The following NAV3 variants were observed in gnomAD, a reference collection of about 807,000 sequenced individuals.
NAV3 encodes pore membrane and/or filament interacting like protein 1.
Under a neutral mutation model 244.7 loss-of-function variants are expected in NAV3, and 87 were observed. That is an observed-to-expected ratio of 0.36 (90% CI 0.30 to 0.42). The LOEUF is 0.42. Ranked by LOEUF, NAV3 falls within the 20% of genes least tolerant of loss-of-function variation. The pLI is 1.00. For synonymous variants in NAV3, 1,126 were observed against 1,042.2 expected (o/e 1.08, Z -1.55); for missense variants, 2,663 against 2,893.3 (o/e 0.92, Z 1.83).
intron 1 of NAV3, among the ~76,000 whole-genome samples, chr12:77,881,829 C>T (rs1434299813): frequency 1.3e-5 from 2 of 151,998 alleles, no homozygotes; most frequent in Non-Finnish European, 2.9e-5. Context: ...CTTACAATAG[C>T]TGTAAAGAAA....
rs186252847 is a variant in NAV3, at chr12:77,873,265, A to C, written c.243+41561A>C. On this transcript the variant is annotated intron_variant, in intron 1 of 39. Coordinates refer to ENST00000397909, the MANE Select transcript of NAV3 (RefSeq NM_001024383.2). ...TTCATAGCAGTATGAAAATGGATTA[A>C]TACAATACCCATTTCTCAGATTTAC... is the stretch of plus-strand genomic sequence containing the variant. Among the ~76,000 whole-genome samples the C allele has an allele frequency of 2.0e-3, 302 of 152,300 alleles. 1 individual carries two copies. Among genetic ancestry groups the C allele is most frequent in the Non-Finnish European group, 3.5e-3 (237 of 68,034 alleles).
At chr12:78,188,376 T>C in intron 32 of NAV3, 33 bp downstream of exon 32, 1 of 1,509,482 alleles carries the variant, frequency 6.6e-7, no homozygotes, top group Non-Finnish European at 9.1e-7. Context: ...ATAGTACTTT[T>C]CAAATATGTT....
intron 23 of NAV3, among the ~76,000 whole-genome samples, chr12:78,163,313 A>G (rs1402389210): frequency 6.6e-6 from 1 of 152,116 alleles, no homozygotes; most frequent in Non-Finnish European, 1.5e-5. Flanking sequence ...AATAACACGG[A>G]ATCTCTTGCC....
At chr12:77,582,150 G>A (rs186941208) in intron 2 of NAV3, among the ~76,000 whole-genome samples, 2 of 152,230 alleles carry the variant, frequency 1.3e-5, no homozygotes, top group East Asian at 3.9e-4. Flanking sequence ...AAATCCACTT[G>A]TATTTAGCAC....
intron 23 of NAV3, among the ~76,000 whole-genome samples, chr12:78,160,565 C>T (rs941495849): frequency 6.6e-6 from 1 of 151,940 alleles, no homozygotes; most frequent in Non-Finnish European, 1.5e-5. Flanking sequence ...TCAGTTTTGT[C>T]TTTAGATTCT....
At chr12:77,765,746 G>C (rs1869716374) in intron 2 of NAV3, among the ~76,000 whole-genome samples, 1 of 152,052 alleles carries the variant, frequency 6.6e-6, no homozygotes, top group Non-Finnish European at 1.5e-5. Context: ...GATCACTCAA[G>C]TTAGGCATGC....
chr12:78,067,996 G>GGAA lies in NAV3; in HGVS notation c.2636+8884_2636+8886dup, dbSNP rs1164497515. Among the ~76,000 whole-genome samples the GGAA allele has an allele frequency of 5.9e-5, 9 of 152,036 alleles. No homozygotes were observed. The East Asian group carries it at 1.5e-3, about 26-fold the overall frequency. On this transcript the variant is annotated intron_variant, in intron 12 of 39. Transcript: ENST00000397909. ...AGGAAAGGAGGAGAAAAGAGGAGGAGGAAGAGGAGGAATGAGGAGGAAAAG... is the reference window on the plus strand; with the variant it reads ...AGGAAAGGAGGAGAAAAGAGGAGGAGGAAGAAGAGGAGGAATGAGGAGGAAAAG...
At chr12:77,761,205 C>A (rs752832449) in intron 2 of NAV3, among the ~76,000 whole-genome samples, 6 of 152,158 alleles carry the variant, frequency 3.9e-5, no homozygotes, top group South Asian at 2.1e-4. Context: ...ATTCCAGGTG[C>A]CCACCACCGT....
intron 2 of NAV3, among the ~76,000 whole-genome samples, chr12:77,745,253 C>A (rs1198631829): frequency 1.3e-5 from 2 of 152,024 alleles, no homozygotes; most frequent in Admixed American, 1.3e-4. Context: ...TTTCTGCATG[C>A]AACTGAGGTT....
intron 1 of NAV3, among the ~76,000 whole-genome samples, chr12:77,916,579 A>G (rs1219951933): frequency 6.6e-6 from 1 of 152,034 alleles, no homozygotes; most frequent in African/African-American, 2.4e-5. Context: ...AGATCTAACT[A>G]ATGTCTTCTT....
intron 2 of NAV3, among the ~76,000 whole-genome samples, chr12:77,680,930 C>T (rs1411033639): frequency 1.3e-5 from 2 of 152,020 alleles, no homozygotes; most frequent in Admixed American, 6.6e-5. Context: ...ATAGTTTTCC[C>T]TTTTATTCCT....
intron 1 of NAV3, among the ~76,000 whole-genome samples, chr12:77,858,381 C>T (rs1878717133): frequency 6.6e-6 from 1 of 152,022 alleles, no homozygotes; most frequent in Admixed American, 6.6e-5. Context: ...TTGGTGAGGA[C>T]TGTGTAGTTA....
intron 2 of NAV3, among the ~76,000 whole-genome samples, chr12:77,749,348 T>C (rs963106592): frequency 6.6e-6 from 1 of 152,222 alleles, no homozygotes; most frequent in Non-Finnish European, 1.5e-5. Flanking sequence ...AGCCCTGTAA[T>C]GGGGCTTAAC....
intron 2 of NAV3, among the ~76,000 whole-genome samples, chr12:77,744,828 T>C (rs1191634809): frequency 6.6e-6 from 1 of 151,982 alleles, no homozygotes; most frequent in African/African-American, 2.4e-5. Context: ...AGATGTGTCA[T>C]AAAACTAATA....
intron 2 of NAV3, among the ~76,000 whole-genome samples, chr12:77,791,309 G>A (rs1363886251): frequency 6.9e-6 from 1 of 145,948 alleles, no homozygotes; most frequent in Non-Finnish European, 1.5e-5. Context: ...AGCCAAGATC[G>A]CACCATTGCA....
chr12:77,600,436 C>T (rs1870373113), intron 2 of NAV3, among the ~76,000 whole-genome samples: 1 of 151,884 alleles, frequency 6.6e-6, no homozygotes, highest in Non-Finnish European at 1.5e-5. Context: ...CATTTGTCAC[C>T]TTCAAGTCTT....
chr12:77,736,061 A>G (rs1443162380), intron 2 of NAV3, among the ~76,000 whole-genome samples: 2 of 152,186 alleles, frequency 1.3e-5, no homozygotes, highest in African/African-American at 4.8e-5. Context: ...CTTTGTAAAA[A>G]CTTGTAAAAA....
At chr12:77,572,595 G>A (rs1868879185) in intron 2 of NAV3, among the ~76,000 whole-genome samples, 1 of 152,154 alleles carries the variant, frequency 6.6e-6, no homozygotes, top group Non-Finnish European at 1.5e-5. Context: ...AGGCACCTCT[G>A]GAGTAATGGA....
intron 12 of NAV3, among the ~76,000 whole-genome samples, chr12:78,095,609 G>A (rs1954208729): frequency 1.3e-5 from 2 of 152,180 alleles, no homozygotes; most frequent in Non-Finnish European, 2.9e-5. Context: ...ATACCAGTTA[G>A]GAGAGTACAG....
Sources: allele counts gnomAD v4.1 joint callset (sites outside exome capture counted in the v4.1 genomes callset), GRCh38; gene constraint gnomAD v4.1.1; transcripts MANE v1.5; gene names NCBI Gene and HGNC (gene_info 2026-07-23, HGNC 2026-07-21).